TIMM10: variants seen among roughly 807,000 people sequenced by gnomAD.
TIMM10 encodes translocase of inner mitochondrial membrane 10, also known as mitochondrial import inner membrane translocase subunit Tim10.
Under a neutral mutation model 9.1 loss-of-function variants are expected in TIMM10, and 13 were observed. The ratio of observed to expected loss-of-function variants is 1.42; its 90% CI spans 0.93 to 2.26. TIMM10 has a LOEUF of 2.26. Ranked by LOEUF, TIMM10 falls within the 30% of genes most tolerant of loss-of-function variation. The probability of loss-of-function intolerance (pLI) is 0.00; values close to 1 mark genes in which losing one functional copy is unlikely to be tolerated. For missense variants in TIMM10, 82 were observed against 113.6 expected (o/e 0.72, Z 1.26); for synonymous variants, 40 against 42.1 (o/e 0.95, Z 0.20).
chr11:57,530,208 A>G lies in TIMM10; in HGVS notation c.-19T>C, dbSNP rs993797983. ...GATCCATCTCAGCCTAGCACCGTGG[A>G]AGGGATCTCCTTCTGGCCTCCTAAT... On this transcript the variant is annotated 5_prime_UTR_variant, in exon 2 of 3. Transcript: ENST00000257245. 6.2e-7 allele frequency: 1 copy of G among 1,613,620 alleles called. No homozygotes were observed. Among genetic ancestry groups the G allele is most frequent in the African/African-American group, 1.3e-5 (1 of 74,890 alleles).
At chr11:57,530,498 G>T (rs573382445) in intron 1 of TIMM10, among the ~76,000 whole-genome samples, 160 bp downstream of exon 1, 1 of 152,086 alleles carries the variant, frequency 6.6e-6, no homozygotes, top group Non-Finnish European at 1.5e-5. Context: ...TCGAGGACCG[G>T]AGGAGAACTC....
Position 57,528,662 on chromosome 11 carries a change from T to G in TIMM10, c.*55A>C. The stretch of plus-strand genomic sequence containing the variant: ...CAGATGACACCCAACAGGGAGCACG[T>G]TTATTAAAGTGGGAAGGGGTGGGGT... On this transcript the variant is annotated 3_prime_UTR_variant, in exon 3 of 3. Transcript: ENST00000257245. 1 of 1,581,526 alleles carries G rather than the reference T, an allele frequency of 6.3e-7. No individual in the cohort carries two copies. The highest frequency in any genetic ancestry group is 8.7e-7 in the Non-Finnish European group (1 of 1,153,412).
Position 57,530,127 on chromosome 11 carries a change from C to T in TIMM10, c.63G>A (p.Met21Ile), listed in dbSNP as rs1944784145. ...CACATAGTTCTCTTTACCTGTTGTA[C>T]ATATCGGCCATCATCTCCACCTCCA... Reference protein sequence around the residue: ...AELEVEMMADMYNRMTSACHR... With the variant: ...AELEVEMMADIYNRMTSACHR... Residue 21 changes from methionine (M) to isoleucine (I), a missense_variant, in exon 2 of 3, where the codon ATG (methionine) becomes ATA (isoleucine). Transcript: ENST00000257245. 2.5e-6 allele frequency: 4 copies of T among 1,614,124 alleles called. No individual in the cohort carries two copies. Among genetic ancestry groups the T allele is most frequent in the Non-Finnish European group, 3.4e-6 (4 of 1,179,990 alleles).
Position 57,528,821 on chromosome 11 carries a change from TAG to T in TIMM10, c.167_168del (p.Ser56Ter). ...GESVCLDRCV[S>X]KYLDIHERMG... ...ATCCGCTCATGGATGTCCAGGTACT[TAG>T]AGACACATCGGTCCAGGCACACAGA... On this transcript the variant is annotated frameshift_variant, in exon 3 of 3. Transcript: ENST00000257245. LOFTEE classifies it high-confidence loss of function. The T allele has an allele frequency of 4.3e-6, 7 of 1,614,066 alleles. No individual in the cohort carries two copies. Among genetic ancestry groups the T allele is most frequent in the Non-Finnish European group, 5.9e-6 (7 of 1,180,016 alleles).
In TIMM10 at chr11:57,530,231, A is replaced by C. The variant is rs549697628; in HGVS notation, c.-42T>G. ...GGAAGGGATCTCCTTCTGGCCTCCT[A>C]ATCCTGGGAGCAGACATCACCATCA... On this transcript the variant is annotated 5_prime_UTR_variant, in exon 2 of 3. In the 5' UTR this introduces an upstream ATG that the reference lacks. Coordinates refer to ENST00000257245, the MANE Select transcript of TIMM10 (RefSeq NM_012456.3). 1 of 1,604,938 alleles carries C rather than the reference A, an allele frequency of 6.2e-7. No individual in the cohort carries two copies. Among genetic ancestry groups the C allele is most frequent in the Admixed American group, 1.7e-5 (1 of 59,960 alleles).
At chr11:57,529,238 A>G (rs1051309436) in intron 2 of TIMM10, among the ~76,000 whole-genome samples, 2 of 152,234 alleles carry the variant, frequency 1.3e-5, no homozygotes, top group Non-Finnish European at 2.9e-5. Flanking sequence ...TGAGGAAATT[A>G]AGGCAAACAG....
rs749069226 is a variant in TIMM10, at chr11:57,530,133, G to A, written c.57C>T (p.Ala19=). 2.5e-6 allele frequency: 4 copies of A among 1,613,866 alleles called. No individual in the cohort carries two copies. The highest frequency in any genetic ancestry group is 3.4e-6 in the Non-Finnish European group (4 of 1,180,004). Residue 19 remains alanine, a synonymous_variant, in exon 2 of 3, where the codon GCC becomes GCT. Transcript: ENST00000257245. ...GTTCTCTTTACCTGTTGTACATATC[G>A]GCCATCATCTCCACCTCCAGCTCCG... ...LAAELEVEMM[A]DMYNRMTSAC...
In TIMM10 at chr11:57,528,744, C is replaced by T; in HGVS notation, c.246G>A (p.Arg82=). The T allele has an allele frequency of 6.2e-7, 1 of 1,613,844 alleles. No homozygotes were observed. The highest frequency in any genetic ancestry group is 1.1e-5 in the South Asian group (1 of 91,052). Residue 82 remains arginine, a synonymous_variant, in exon 3 of 3, where the codon AGG becomes AGA. Coordinates refer to ENST00000257245, the MANE Select transcript of TIMM10 (RefSeq NM_012456.3). ...ATGCAGGCCCAGAGCTCTGCTGCAC[C>T]CTCTTCATCAGCTCTTCATCCTGCA... ...LSMQDEELMK[R]VQQSSGPA
In TIMM10 at chr11:57,528,483, T is replaced by TTATATATATATATATA. The variant is rs10547275; in HGVS notation, c.*218_*233dup. The stretch of plus-strand genomic sequence containing the variant: ...ACATAGTAGGTGTCAACAAACTTGT[T>TTATATATATATATATA]TATATATATATATATATATATATAT... On this transcript the variant is annotated 3_prime_UTR_variant, in exon 3 of 3. Transcript: ENST00000257245. 1.3e-5 allele frequency: 2 copies of TTATATATATATATATA among 149,530 alleles called. No homozygotes were observed. The highest frequency in any genetic ancestry group is 3.7e-4 in the East Asian group (2 of 5,404). 9.3% of individuals were successfully genotyped at this position (149,530 alleles called of 1,614,324 possible).
rs946221479 is a variant in TIMM10 at position 57,528,660 on chromosome 11, C to T, written c.*57G>A. 7.3e-5 allele frequency: 115 copies of T among 1,577,936 alleles called. No homozygotes were observed. The highest frequency in any genetic ancestry group is 8.9e-5 in the Non-Finnish European group (102 of 1,150,628). On this transcript the variant is annotated 3_prime_UTR_variant, in exon 3 of 3. Transcript: ENST00000257245. ...CACAGATGACACCCAACAGGGAGCA[C>T]GTTTATTAAAGTGGGAAGGGGTGGG...
intron 2 of TIMM10, 48 bp from the exon 3 acceptor site, chr11:57,528,966 C>T: frequency 6.3e-7 from 1 of 1,596,442 alleles, no homozygotes; most frequent in Non-Finnish European, 8.6e-7. Context: ...CCTGTGACAT[C>T]CCAGGAACCT....
chr11:57,528,979 A>C, intron 2 of TIMM10, 61 bp from the exon 3 acceptor site: 5 of 1,564,734 alleles, frequency 3.2e-6, no homozygotes, highest in Non-Finnish European at 4.4e-6. Context: ...AGGAACCTTG[A>C]CCATTCCAGC....
At chr11:57,530,335 G>A in intron 1 of TIMM10, 101 bp from the exon 2 acceptor site, 1 of 722,742 alleles carries the variant, frequency 1.4e-6, no homozygotes, top group Non-Finnish European at 2.4e-6. Flanking sequence ...GACCACCACG[G>A]GCCACTAACC....
intron 2 of TIMM10, 57 bp from the exon 3 acceptor site, chr11:57,528,975 C>A: frequency 6.3e-7 from 1 of 1,578,986 alleles, no homozygotes; most frequent in Non-Finnish European, 8.7e-7. Flanking sequence ...TCCCAGGAAC[C>A]TTGACCATTC....
intron 2 of TIMM10, among the ~76,000 whole-genome samples, chr11:57,529,895 G>A (rs1403993522): frequency 1.3e-5 from 2 of 152,086 alleles, no homozygotes; most frequent in Non-Finnish European, 2.9e-5. Context: ...CTTCCTGCTT[G>A]GCTCCTGCAT....
At chr11:57,528,978 G>T in intron 2 of TIMM10, 60 bp from the exon 3 acceptor site, 1 of 1,562,636 alleles carries the variant, frequency 6.4e-7, no homozygotes, top group South Asian at 1.1e-5. Context: ...CAGGAACCTT[G>T]ACCATTCCAG....
chr11:57,530,561 AAC>A (rs542321086), intron 1 of TIMM10, 95 bp downstream of exon 1: 10 of 230,774 alleles, frequency 4.3e-5, no homozygotes, highest in Non-Finnish European at 8.9e-5. Context: ...TCATACGCTG[AAC>A]AGAGGCGACC....
chr11:57,530,525 G>A (rs1944789235), intron 1 of TIMM10, 133 bp downstream of exon 1: 1 of 298,646 alleles, frequency 3.3e-6, no homozygotes, highest in Admixed American at 4.1e-5. Flanking sequence ...CCACGAACCT[G>A]AACCTCCAGG....
In TIMM10 at chr11:57,528,897, C is replaced by G. The variant is rs758557242; in HGVS notation, c.93G>C (p.Arg31=). The G allele has an allele frequency of 6.2e-7, 1 of 1,613,378 alleles. No homozygotes were observed. The highest frequency in any genetic ancestry group is 1.1e-5 in the South Asian group (1 of 91,038). ...MYNRMTSACH[R]KCVPPHYKEA... ...CCTTGTAGTGAGGAGGCACACACTT[C>G]CGGTGGCAGGCACTGGTCATTCTGG... Residue 31 remains arginine, a synonymous_variant, in exon 3 of 3, where the codon CGG becomes CGC. Transcript: ENST00000257245.
Sources: allele counts gnomAD v4.1 joint callset (sites outside exome capture counted in the v4.1 genomes callset), GRCh38; gene constraint gnomAD v4.1.1; transcripts MANE v1.5; gene names NCBI Gene and HGNC (gene_info 2026-07-23, HGNC 2026-07-21).